The following DNAH10 variants were observed in gnomAD, a reference collection of about 807,000 sequenced individuals.
The protein encoded by DNAH10 is dynein axonemal heavy chain 10, also known as axonemal beta dynein heavy chain 10.
DNAH10 carries 348 observed loss-of-function variants against 506.6 expected under a neutral mutation model. The observed-to-expected ratio is 0.69, with a 90% CI of 0.63 to 0.75. The LOEUF (loss-of-function observed/expected upper bound fraction) is 0.75, where lower values mean the gene tolerates loss of function less well. DNAH10 is among the 30% of genes least tolerant of loss of function. DNAH10 has a pLI of 0.00. For synonymous variants in DNAH10, 2,059 were observed against 2,198.6 expected, an observed-to-expected ratio of 0.94 and a Z score of 1.78; for missense variants, 5,179 against 5,787.1, an observed-to-expected ratio of 0.89 and a Z score of 3.41.
At chr12:123,832,436 A>G (rs1273850581) in intron 26 of DNAH10, among the ~76,000 whole-genome samples, 1 of 152,232 alleles carries the variant, frequency 6.6e-6, no homozygotes, top group Admixed American at 6.5e-5. Flanking sequence ...TGTACACAAT[A>G]TACCAAAGAT....
intron 30 of DNAH10, among the ~76,000 whole-genome samples, chr12:123,845,114 G>A (rs968585934): frequency 1.3e-5 from 2 of 152,098 alleles, no homozygotes; most frequent in Non-Finnish European, 2.9e-5. Context: ...GGGCTCCAGC[G>A]CCCCTGGAGT....
Position 123,808,970 on chromosome 12 carries a change from T to A in DNAH10, c.3144+17T>A, listed in dbSNP as rs1958822334. 1 of 1,613,690 alleles carries A rather than the reference T, an allele frequency of 6.2e-7. No homozygotes were observed. Among genetic ancestry groups the A allele is most frequent in the Non-Finnish European group, 8.5e-7 (1 of 1,179,848 alleles). Reference sequence around the variant, plus strand: ...ATCACCAAGGTGAGAGCGGAGGTGCTTGTGTCCTTGCTCAGACGGCATCTC... The same window carrying A: ...ATCACCAAGGTGAGAGCGGAGGTGCATGTGTCCTTGCTCAGACGGCATCTC... On this transcript the variant is annotated intron_variant, in intron 19 of 78. Transcript: ENST00000673944.
chr12:123,855,544 G>A (rs191982378), intron 36 of DNAH10, among the ~76,000 whole-genome samples: 105 of 151,478 alleles, frequency 6.9e-4, no homozygotes, highest in African/African-American at 2.3e-3. Context: ...TGAAGTAGGA[G>A]GATTGCTTGA....
chr12:123,929,273 AG>A lies in DNAH10; in HGVS notation c.12307del. 1 of 1,584,280 alleles carries A rather than the reference AG, an allele frequency of 6.3e-7. No individual in the cohort carries two copies. ...CACTGTGTGTTTTCTTCTCTTCTGA[AG>A]GTTGTCACCGAGCCACCCAATGGGC... On this transcript the variant is annotated splice_acceptor_variant, in intron 70 of 78. Coordinates refer to ENST00000673944, the MANE Select transcript of DNAH10 (RefSeq NM_001372106.1). LOFTEE classifies it high-confidence loss of function.
rs1408101786 is a variant in DNAH10 at position 123,887,175 on chromosome 12, G to C, written c.8857G>C (p.Glu2953Gln). ...FEILLSRGYS[E>Q]NSFREDLKSL... is the part of the protein sequence containing the mutation. ...GATCCTGCTGAGCCGAGGCTACTCG[G>C]AGAACAGTTTCCGGGAAGACCTGAA... The change falls in exon 52 of 79, where the codon GAG becomes CAG. Residue 2953 changes from glutamate to glutamine, a missense_variant. This residue lies in a region of DNAH10 where 4,844 missense variants were observed against 5,430.5 expected (regional missense o/e 0.89). Transcript: ENST00000673944. 1 of 1,612,258 alleles carries C rather than the reference G, an allele frequency of 6.2e-7. No homozygotes were observed. The highest frequency in any genetic ancestry group is 8.5e-7 in the Non-Finnish European group (1 of 1,179,220).
chr12:123,902,908 A>G lies in DNAH10; in HGVS notation c.9641-31A>G, dbSNP rs1283721430. 6.4e-7 allele frequency: 1 copy of G among 1,555,694 alleles called. No individual in the cohort carries two copies. On this transcript the variant is annotated intron_variant, in intron 56 of 78. Transcript: ENST00000673944. This position sits in a 1 kb window ranked among gnomAD's most constrained non-coding sequence, Gnocchi z 4.5. ...CGCGAGTGCATCTCCTCTGAGCCCA[A>G]GCTTTACTCACCCCCTGTCCTACCC...
intron 5 of DNAH10, among the ~76,000 whole-genome samples, chr12:123,778,230 G>C (rs557246189): frequency 6.6e-6 from 1 of 151,280 alleles, no homozygotes; most frequent in South Asian, 2.1e-4. Flanking sequence ...AAATAAATAA[G>C]ATGACATCAA....
At chr12:123,809,077 G>A in intron 19 of DNAH10, 124 bp downstream of exon 19, 1 of 1,169,142 alleles carries the variant, frequency 8.6e-7, no homozygotes, top group East Asian at 2.4e-5. Flanking sequence ...TCTGCCTTGT[G>A]ACTCAGTCAT....
At chr12:123,865,055 CTT>C (rs927087437) in intron 40 of DNAH10, among the ~76,000 whole-genome samples, 8 of 152,294 alleles carry the variant, frequency 5.3e-5, no homozygotes, top group Admixed American at 1.3e-4. Flanking sequence ...GAATTCATCT[CTT>C]ATACCACTAA....
chr12:123,866,073 G>T lies in DNAH10; in HGVS notation c.7167G>T (p.Lys2389Asn). 3 of 1,598,714 alleles carry T rather than the reference G, an allele frequency of 1.9e-6. No individual in the cohort carries two copies. The highest frequency in any genetic ancestry group is 1.7e-6 in the Non-Finnish European group (2 of 1,173,966). ...WKKWVNQIPN[K>N]VEQYNLNSLF... is the part of the protein sequence containing the mutation. ...AATGGGTTAATCAAATACCAAACAA[G>T]GTGAAATTTTTTTCTAAAATGAACT... Residue 2389 changes from lysine to asparagine, a missense_variant and splice_region_variant, in exon 41 of 79, where the codon AAG becomes AAT. Physicochemically the swap from Lys to Asn is moderately conservative, Grantham distance 94. Transcript: ENST00000673944.
intron 72 of DNAH10, 169 bp from the exon 73 acceptor site, chr12:123,930,233 A>G (rs1452924646): frequency 3.3e-6 from 2 of 609,042 alleles, no homozygotes; most frequent in Non-Finnish European, 5.3e-6. Flanking sequence ...GCCACAGATC[A>G]ATTGTGTGAA....
In DNAH10 at chr12:123,833,327, C is replaced by T. The variant is rs78764267; in HGVS notation, c.4759C>T (p.Leu1587=). 0.057 allele frequency: 92,006 copies of T among 1,611,714 alleles called. 2,868 individuals carry two copies. The highest frequency in any genetic ancestry group is 0.063 in the Non-Finnish European group (74,711 of 1,178,786). ...TCACAAATGGGAAAAAACGCTTTCT[C>T]TAATAGGGGAAGTCATTGAGGTGAG... ...TVHKWEKTLS[L]IGEVIEIWML... Residue 1587 remains leucine, a synonymous_variant, in exon 27 of 79, where the codon CTA becomes TTA. Coordinates refer to ENST00000673944, the MANE Select transcript of DNAH10 (RefSeq NM_001372106.1).
rs745751274 is a variant in DNAH10 at position 123,903,058 on chromosome 12, G to A, written c.9760G>A (p.Glu3254Lys). ...CCTGGCAGAGGTCATGCCCATCCTG[G>A]AGGCCGCCAAGCTGGAACTGCAGAA... The part of the protein sequence containing the change: ...TTLAEVMPIL[E>K]AAKLELQKLD... Residue 3254 changes from glutamate to lysine, a missense_variant, in exon 57 of 79, where the codon GAG (glutamate) becomes AAG (lysine). Transcript: ENST00000673944. The surrounding 1 kb of genome is among the most constrained non-coding windows in gnomAD (Gnocchi z 4.6). The A allele has an allele frequency of 1.9e-6, 3 of 1,611,198 alleles. No individual in the cohort carries two copies. The Admixed American group carries it at 5.0e-5, about 27-fold the overall frequency.
At chr12:123,860,030 T>TAA (rs547855423) in intron 38 of DNAH10, among the ~76,000 whole-genome samples, 1,440 of 131,192 alleles carry the variant, frequency 0.011, 12 homozygotes, top group African/African-American at 0.018. Context: ...ACCTTCTCTC[T>TAA]AAAAAAAAAA....
rs1454505921 is a variant in DNAH10, at chr12:123,898,679, C to G, written c.9505C>G (p.Leu3169Val). 1.3e-6 allele frequency: 2 copies of G among 1,593,814 alleles called. No homozygotes were observed. Among genetic ancestry groups the G allele is most frequent in the Non-Finnish European group, 1.7e-6 (2 of 1,170,522 alleles). ...TCAGTGCAAGCGTCTGGATGGGGGA[C>G]TGGACAAGCTGAAGGAGGCCACCAT... ...IAQCKRLDGG[L>V]DKLKEATIQL... Residue 3169 changes from leucine to valine, a missense_variant, in exon 56 of 79, where the codon CTG becomes GTG. Physicochemically the swap from Leu to Val is conservative, Grantham distance 32. Transcript: ENST00000673944.
Position 123,848,033 on chromosome 12 carries a change from C to T in DNAH10, c.5887C>T (p.Leu1963=). The stretch of plus-strand genomic sequence containing the variant: ...CGGCAAAACCGAGACCACCAAGGAC[C>T]TGGCGAAAGCCTTGGGCTTGCTCTG... ...GTGKTETTKD[L]AKALGLLCVV... Residue 1963 remains leucine (L), a synonymous_variant, in exon 33 of 79, where the codon CTG becomes TTG. Transcript: ENST00000673944. 6.2e-7 allele frequency: 1 copy of T among 1,614,020 alleles called. No individual in the cohort carries two copies. Among genetic ancestry groups the T allele is most frequent in the Non-Finnish European group, 8.5e-7 (1 of 1,179,880 alleles).
chr12:123,816,491 G>A (rs944125149), intron 21 of DNAH10, among the ~76,000 whole-genome samples: 6 of 152,198 alleles, frequency 3.9e-5, no homozygotes, highest in Non-Finnish European at 5.9e-5. Flanking sequence ...GGAGAGTGGT[G>A]TGCTCAGAGA....
At position 123,867,525 on chromosome 12, in the gene DNAH10, T is replaced by C; in HGVS notation, c.7226T>C (p.Val2409Ala). 6.2e-7 allele frequency: 1 copy of C among 1,613,684 alleles called. No individual in the cohort carries two copies. The highest frequency in any genetic ancestry group is 1.1e-5 in the South Asian group (1 of 91,050). ...FEKYVPYLMD[V>A]IVEGIVDGRQ... ...AAGTATGTGCCCTATCTCATGGATG[T>C]GATAGTGGAAGGAATTGTGGATGGA... is the stretch of plus-strand genomic sequence containing the variant. Residue 2409 changes from valine to alanine, a missense_variant, in exon 42 of 79, where the codon GTG (valine) becomes GCG (alanine). Physicochemically the swap from Val to Ala is moderately conservative, Grantham distance 64. Coordinates refer to ENST00000673944, the MANE Select transcript of DNAH10 (RefSeq NM_001372106.1).
rs150528114 is a variant in DNAH10, at chr12:123,897,724, C to T, written c.9281-46C>T. 7.5e-4 allele frequency: 1,184 copies of T among 1,586,392 alleles called. 18 individuals carry two copies. The East Asian group carries it at 0.021, about 28-fold the overall frequency. ...TGGGCAACAGAGTGAGACCCTGTGT[C>T]GAAAAAGAAAAAGAAAGAAAACATT... On this transcript the variant is annotated intron_variant, in intron 54 of 78. Transcript: ENST00000673944.
Sources: gnomAD v4.1 joint callset for allele counts (sites outside exome capture counted in the v4.1 genomes callset) on GRCh38, gnomAD v4.1.1 for gene constraint, gnomAD v4.1.1 regional missense constraint, Gnocchi (gnomAD v3.1) non-coding constraint, MANE v1.5 for transcripts, NCBI Gene and HGNC (gene_info 2026-07-23, HGNC 2026-07-21) for gene names.